Variants in BACH2 observed in about 807,000 individuals in gnomAD.
The protein encoded by BACH2 is BACH transcriptional regulator 2, also known as transcription regulator protein BACH2.
In BACH2, 5 loss-of-function variants were observed where a neutral mutation model predicts 61.8. That is an observed-to-expected ratio of 0.08 (90% confidence interval 0.04 to 0.17). The LOEUF (loss-of-function observed/expected upper bound fraction) is 0.17, where lower values mean the gene tolerates loss of function less well. Among genes scored for constraint, BACH2 ranks in the 10% least tolerant of loss-of-function variants. BACH2 has a pLI of 1.00. For missense variants in BACH2, 824 were observed against 1,091.1 expected (o/e 0.76, Z 3.45); for synonymous variants, 446 against 440.1 (o/e 1.01, Z -0.17).
At chr6:90,032,883 T>C (rs1402454696) in intron 5 of BACH2, among the ~76,000 whole-genome samples, 1 of 152,220 alleles carries the variant, frequency 6.6e-6, no homozygotes, top group Non-Finnish European at 1.5e-5. Context: ...TTATAAATCA[T>C]GCTGCTATTA....
intron 3 of BACH2, among the ~76,000 whole-genome samples, chr6:90,247,640 C>T (rs1484299052): frequency 6.6e-6 from 1 of 152,170 alleles, no homozygotes; most frequent in East Asian, 1.9e-4. Context: ...CTTCACTCCC[C>T]TAAAGTATAG....
chr6:90,024,233 C>T (rs778930040), intron 5 of BACH2, among the ~76,000 whole-genome samples: 17 of 152,136 alleles, frequency 1.1e-4, no homozygotes, highest in Admixed American at 2.0e-4. Context: ...GGTTCTGTGA[C>T]TTAATCACAA....
chr6:90,197,199 A>G (rs1254649127), intron 4 of BACH2, among the ~76,000 whole-genome samples: 2 of 152,250 alleles, frequency 1.3e-5, no homozygotes, highest in African/African-American at 4.8e-5. Flanking sequence ...GAATACCAGC[A>G]AACAGCTATA....
chr6:90,134,582 T>TG (rs563586984), intron 4 of BACH2, among the ~76,000 whole-genome samples: 39 of 152,226 alleles, frequency 2.6e-4, no homozygotes, highest in African/African-American at 8.7e-4. Flanking sequence ...TTCACTGGGA[T>TG]GGTAATAATT....
At position 90,239,730 on chromosome 6, in the gene BACH2, C is replaced by G. The variant is rs571012783; in HGVS notation, c.-275+12783G>C. Among the ~76,000 whole-genome samples the G allele has an allele frequency of 2.3e-4, 35 of 149,794 alleles. 2 individuals are homozygous for G. The South Asian group carries it at 7.3e-3, about 31-fold the overall frequency. On this transcript the variant is annotated intron_variant, in intron 3 of 8. Transcript: ENST00000257749. The stretch of plus-strand genomic sequence containing the variant: ...TTATCTCTGAAGGGATCAAAGGTCA[C>G]GTTTGTTTTTCTGTTTTCCCCAAGC...
intron 5 of BACH2, among the ~76,000 whole-genome samples, chr6:90,020,548 C>A (rs1778316963): frequency 6.8e-6 from 1 of 147,690 alleles, no homozygotes; most frequent in African/African-American, 2.5e-5. Flanking sequence ...AGATGCGGCC[C>A]CTAGACCTCG....
chr6:90,026,791 A>C (rs1188025218), intron 5 of BACH2, among the ~76,000 whole-genome samples: 2 of 152,206 alleles, frequency 1.3e-5, no homozygotes, highest in Non-Finnish European at 2.9e-5. Context: ...AAGATTCTTA[A>C]TAAAAGGAAA....
At chr6:90,182,044 A>C (rs577305496) in intron 4 of BACH2, among the ~76,000 whole-genome samples, 2 of 152,260 alleles carry the variant, frequency 1.3e-5, no homozygotes, top group African/African-American at 4.8e-5. Flanking sequence ...TGCTTTCAAA[A>C]CAACCAATCG....
chr6:89,987,390 A>G (rs950335154), intron 6 of BACH2, among the ~76,000 whole-genome samples: 2 of 152,168 alleles, frequency 1.3e-5, no homozygotes, highest in Non-Finnish European at 2.9e-5. Flanking sequence ...TGTCGAACTT[A>G]GTCCTGGCTG....
chr6:90,157,749 C>A (rs1440620399), intron 4 of BACH2, among the ~76,000 whole-genome samples: 2 of 152,070 alleles, frequency 1.3e-5, no homozygotes, highest in African/African-American at 4.8e-5. Flanking sequence ...CAGGGTTGCA[C>A]CAGCTAGAAA....
intron 4 of BACH2, among the ~76,000 whole-genome samples, chr6:90,181,004 A>G (rs950399584): frequency 2.0e-5 from 3 of 152,116 alleles, no homozygotes; most frequent in African/African-American, 7.2e-5. Flanking sequence ...TCCTTTTTAT[A>G]TAGTGACTTC....
chr6:90,147,540 A>G (rs1250850171), intron 4 of BACH2, among the ~76,000 whole-genome samples: 1 of 152,148 alleles, frequency 6.6e-6, no homozygotes, highest in Non-Finnish European at 1.5e-5. Context: ...TTCATTGTCT[A>G]GAAGGAGCAA....
At chr6:90,238,315 CA>C (rs536373962) in intron 3 of BACH2, among the ~76,000 whole-genome samples, 67 of 152,318 alleles carry the variant, frequency 4.4e-4, no homozygotes, top group Non-Finnish European at 8.2e-4. Flanking sequence ...ACTGGCTAGA[CA>C]TATTTCGATA....
At chr6:90,188,910 G>T (rs1012813710) in intron 4 of BACH2, among the ~76,000 whole-genome samples, 4 of 152,024 alleles carry the variant, frequency 2.6e-5, no homozygotes, top group Non-Finnish European at 5.9e-5. Flanking sequence ...TCACCCTGGA[G>T]AATAAATCTT....
In BACH2 at chr6:89,927,308, A is replaced by G. The variant is rs1261594729; in HGVS notation, c.*5100T>C. 6.5e-6 allele frequency: 1 copy of G among 152,926 alleles called. No homozygotes were observed. Among genetic ancestry groups the G allele is most frequent in the East Asian group, 1.9e-4 (1 of 5,322 alleles). The allele number at this position is 152,926 out of a possible 1,614,324, so 9.5% of individuals were successfully genotyped here. On this transcript the variant is annotated 3_prime_UTR_variant, in exon 9 of 9. Transcript: ENST00000257749. ...CCCAGGATTTGCACACACAAAATAC[A>G]TTGTTAGGACTTAAGGGGAGGTCAT... is the stretch of plus-strand genomic sequence containing the variant.
chr6:90,175,398 A>G (rs940773453), intron 4 of BACH2, among the ~76,000 whole-genome samples: 1 of 152,228 alleles, frequency 6.6e-6, no homozygotes, highest in Non-Finnish European at 1.5e-5. Flanking sequence ...TTTTGTTTTC[A>G]CAACTGCCTG....
intron 5 of BACH2, among the ~76,000 whole-genome samples, chr6:90,058,779 T>C (rs549988945): frequency 6.6e-6 from 1 of 152,322 alleles, no homozygotes; most frequent in East Asian, 1.9e-4. Context: ...GACAGACATA[T>C]AGATCAATGG....
At chr6:90,181,064 C>T (rs1033297270) in intron 4 of BACH2, among the ~76,000 whole-genome samples, 17 of 152,122 alleles carry the variant, frequency 1.1e-4, no homozygotes, top group Admixed American at 1.1e-3. Context: ...AATAGTAGAT[C>T]TACTTTTAGT....
chr6:90,029,886 C>T (rs1222023365), intron 5 of BACH2, among the ~76,000 whole-genome samples: 1 of 152,158 alleles, frequency 6.6e-6, no homozygotes, highest in African/African-American at 2.4e-5. Context: ...ATGATATAAC[C>T]TCCAAGACAC....
Sources: allele counts gnomAD v4.1 joint callset (sites outside exome capture counted in the v4.1 genomes callset), GRCh38; gene constraint gnomAD v4.1.1; transcripts MANE v1.5; gene names NCBI Gene and HGNC (gene_info 2026-07-23, HGNC 2026-07-21).